DENND4C: variants seen among roughly 807,000 people sequenced by gnomAD.
DENND4C encodes DENN domain containing 4C, also known as DENN domain-containing protein 4C.
In DENND4C, 108 loss-of-function variants were observed where a neutral mutation model predicts 203.0. That is an observed-to-expected ratio of 0.53 (90% CI 0.46 to 0.62). The LOEUF (loss-of-function observed/expected upper bound fraction) is 0.62. Among genes scored for constraint, DENND4C ranks in the 20% least tolerant of loss-of-function variants. The pLI, the probability that DENND4C is intolerant of heterozygous loss-of-function variation, is 0.00. For missense variants in DENND4C, 2,481 were observed against 2,301.2 expected (o/e 1.08, Z -1.60); for synonymous variants, 871 against 792.4 (o/e 1.10, Z -1.67).
rs554484396 is a variant in DENND4C, at chr9:19,348,633, G to A, written c.4317+1547G>A. Among the ~76,000 whole-genome samples, 3 of 152,180 alleles carry A rather than the reference G, an allele frequency of 2.0e-5. No individual in the cohort carries two copies. The South Asian group carries it at 6.2e-4, about 32-fold the overall frequency. On this transcript the variant is annotated intron_variant, in intron 23 of 32. Coordinates refer to ENST00000434457, the MANE Select transcript of DENND4C (RefSeq NM_001330640.2). ...GACGTATAAGACTTTTATACCATTT[G>A]AAGGAATACTTTATAGACAAAATAA...
chr9:19,252,072 G>A (rs903765077), intron 1 of DENND4C, among the ~76,000 whole-genome samples: 6 of 152,122 alleles, frequency 3.9e-5, no homozygotes, highest in East Asian at 1.9e-4. Context: ...GCTAATAAAG[G>A]CATACCTGAG....
chr9:19,261,381 A>G (rs1376419743), intron 1 of DENND4C, among the ~76,000 whole-genome samples: 1 of 141,328 alleles, frequency 7.1e-6, no homozygotes, highest in East Asian at 2.1e-4. Context: ...TTATTTTTCT[A>G]TTTCTGTGGA....
At position 19,370,163 on chromosome 9, in the gene DENND4C, A is replaced by G; in HGVS notation, c.5675+176A>G. 1.1e-5 allele frequency: 9 copies of G among 797,312 alleles called. No homozygotes were observed. In the South Asian group the frequency reaches 1.3e-4, roughly 12 times the overall value. The allele number at this position is 797,312 out of a possible 1,614,324, so 49.4% of individuals were successfully genotyped here. A position where few individuals can be genotyped will look rare whatever the true frequency, so the allele number is the denominator to read the frequency against. On this transcript the variant is annotated intron_variant, in intron 31 of 32. Transcript: ENST00000434457. Reference sequence around the variant, plus strand: ...TCCTACTTGAACACAAACACATAATAAAAGTGTCTGGGGGCTTGGCACGGT... The same window carrying G: ...TCCTACTTGAACACAAACACATAATGAAAGTGTCTGGGGGCTTGGCACGGT...
rs573689774 is a variant in DENND4C, at chr9:19,234,735, G to A, written c.-18+3902G>A. On this transcript the variant is annotated intron_variant, in intron 1 of 32. Transcript: ENST00000434457. ...TTTTTGTATTTTTTGTAGAGACAGC[G>A]TTTTGCCATATTGCCCAGGCTGGTC... Among the ~76,000 whole-genome samples the A allele has an allele frequency of 1.5e-4, 23 of 151,666 alleles. 1 individual carries two copies. The East Asian group carries it at 3.9e-3, about 26-fold the overall frequency.
intron 1 of DENND4C, among the ~76,000 whole-genome samples, chr9:19,232,497 G>A (rs961558228): frequency 2.6e-5 from 4 of 152,196 alleles, no homozygotes; most frequent in Non-Finnish European, 5.9e-5. Flanking sequence ...GAAAAGCTAT[G>A]ATGTTAGAAA....
chr9:19,300,050 C>A (rs1838238133), intron 8 of DENND4C, 137 bp from the exon 9 acceptor site: 1 of 840,414 alleles, frequency 1.2e-6, no homozygotes, highest in Non-Finnish European at 1.7e-6. Context: ...ATTAAATTTG[C>A]TACTTTTCAT....
intron 1 of DENND4C, among the ~76,000 whole-genome samples, chr9:19,261,444 T>A (rs1829321778): frequency 8.8e-6 from 1 of 113,412 alleles, no homozygotes; most frequent in Non-Finnish European, 1.8e-5. Flanking sequence ...GATTGTGTAG[T>A]ATGGACTTTT....
At chr9:19,289,719 C>A (rs1177799228) in intron 4 of DENND4C, among the ~76,000 whole-genome samples, 4 of 150,798 alleles carry the variant, frequency 2.7e-5, no homozygotes, top group Non-Finnish European at 5.9e-5. Flanking sequence ...GTCCCAGCTA[C>A]TTGGGAGGCT....
intron 1 of DENND4C, among the ~76,000 whole-genome samples, chr9:19,250,230 G>A (rs940932137): frequency 1.3e-5 from 2 of 152,144 alleles, no homozygotes; most frequent in Middle Eastern, 3.4e-3. Context: ...ATCACCTGAG[G>A]TCAGGAGTTC....
chr9:19,314,005 C>A (rs950714512), intron 10 of DENND4C, among the ~76,000 whole-genome samples: 1 of 152,132 alleles, frequency 6.6e-6, no homozygotes, highest in Admixed American at 6.6e-5. Flanking sequence ...TCGCTTGAAC[C>A]TGGGAGGAAG....
intron 12 of DENND4C, among the ~76,000 whole-genome samples, chr9:19,322,629 A>G (rs970657048): frequency 1.3e-5 from 2 of 151,164 alleles, no homozygotes; most frequent in African/African-American, 2.4e-5. Flanking sequence ...CCAGCTTCTC[A>G]GGAGGCTGAG....
chr9:19,345,703 G>A (rs1027804398), intron 22 of DENND4C, among the ~76,000 whole-genome samples: 8 of 152,038 alleles, frequency 5.3e-5, no homozygotes, highest in African/African-American at 1.7e-4. Flanking sequence ...TATAAATATA[G>A]GATGAAAGAC....
intron 17 of DENND4C, among the ~76,000 whole-genome samples, chr9:19,332,822 T>G (rs368809247): frequency 2.7e-5 from 4 of 148,474 alleles, no homozygotes; most frequent in African/African-American, 9.9e-5. Flanking sequence ...CAGGCTGGTC[T>G]TGAACTCCTG....
chr9:19,232,817 G>A (rs866638697), intron 1 of DENND4C, among the ~76,000 whole-genome samples: 10 of 152,142 alleles, frequency 6.6e-5, no homozygotes, highest in Admixed American at 2.6e-4. Flanking sequence ...CAATAAAAGT[G>A]GATTTGTAGC....
At chr9:19,315,151 G>A (rs1266746161) in intron 10 of DENND4C, among the ~76,000 whole-genome samples, 7 of 72,746 alleles carry the variant, frequency 9.6e-5, no homozygotes, top group East Asian at 9.4e-4. Flanking sequence ...CAGAGACTCC[G>A]TCTCAAAAAA....
chr9:19,335,272 A>C (rs149806715), intron 18 of DENND4C, among the ~76,000 whole-genome samples, 167 bp downstream of exon 18: 4,061 of 152,232 alleles, frequency 0.027, 85 homozygotes, highest in Non-Finnish European at 0.038. Context: ...TTTATCATGT[A>C]CAATATGATG....
chr9:19,276,019 GCTT>G (rs1832842833), intron 1 of DENND4C, 136 bp from the exon 2 acceptor site: 3 of 428,276 alleles, frequency 7.0e-6, no homozygotes, highest in Non-Finnish European at 1.2e-5. Flanking sequence ...ATAAAAGCAG[GCTT>G]CTTCTCAGAA....
chr9:19,315,155 C>A (rs1353304016), intron 10 of DENND4C, among the ~76,000 whole-genome samples: 398 of 119,350 alleles, frequency 3.3e-3, no homozygotes, highest in East Asian at 4.5e-3. Flanking sequence ...GACTCCGTCT[C>A]AAAAAAAAAA....
In DENND4C at chr9:19,346,861, C is replaced by G. The variant is rs749228987; in HGVS notation, c.4092C>G (p.Pro1364=). The G allele has an allele frequency of 2.5e-6, 4 of 1,614,112 alleles. No homozygotes were observed. The African/African-American group carries it at 5.3e-5, about 22-fold the overall frequency. ...CTGGGCGTTTCAAGCAGCAAACCCCCTCTCGAACTCATAAAGAACGTTCAA... is the reference window on the plus strand; with the variant it reads ...CTGGGCGTTTCAAGCAGCAAACCCCGTCTCGAACTCATAAAGAACGTTCAA... ...TFTGRFKQQT[P]SRTHKERSTS... Residue 1364 remains proline, a synonymous_variant, in exon 23 of 33, where the codon CCC becomes CCG. Coordinates refer to ENST00000434457, the MANE Select transcript of DENND4C (RefSeq NM_001330640.2).
Sources: gnomAD v4.1 joint callset for allele counts (sites outside exome capture counted in the v4.1 genomes callset) on GRCh38, gnomAD v4.1.1 for gene constraint, MANE v1.5 for transcripts, NCBI Gene and HGNC (gene_info 2026-07-23, HGNC 2026-07-21) for gene names.